Variants in BTBD9 observed in about 807,000 individuals in gnomAD.
The protein encoded by BTBD9 is BTB domain containing 9, also known as BTB/POZ domain-containing protein 9.
Under a neutral mutation model 64.3 loss-of-function variants are expected in BTBD9, and 49 were observed. The ratio of observed to expected loss-of-function variants is 0.76; its 90% CI spans 0.61 to 0.97. BTBD9 has a LOEUF of 0.97. BTBD9 is among the 50% of genes least tolerant of loss of function. The pLI is 0.00. For missense variants in BTBD9, 598 were observed against 762.1 expected (o/e 0.78, Z 2.53); for synonymous variants, 260 against 274.7 (o/e 0.95, Z 0.53).
In BTBD9 at chr6:38,292,916, G is replaced by A. The variant is rs144050416; in HGVS notation, c.1265-4455C>T. On this transcript the variant is annotated intron_variant, in intron 7 of 10. Coordinates refer to ENST00000481247, the MANE Select transcript of BTBD9 (RefSeq NM_001099272.2). Reference sequence around the variant, plus strand: ...GTTCTTTTAATTGTGATGTTAGGGTGTCGATTTTAGGCCTTTCCTGCTTTC... The same window carrying A: ...GTTCTTTTAATTGTGATGTTAGGGTATCGATTTTAGGCCTTTCCTGCTTTC... Among the ~76,000 whole-genome samples the A allele has an allele frequency of 5.1e-3, 778 of 152,266 alleles. 13 individuals are homozygous for A. The highest frequency in any genetic ancestry group is 5.6e-3 in the Non-Finnish European group (381 of 68,026).
At chr6:38,543,912 G>A (rs374812179) in intron 6 of BTBD9, among the ~76,000 whole-genome samples, 52 of 150,514 alleles carry the variant, frequency 3.5e-4, no homozygotes, top group Middle Eastern at 3.5e-3. Flanking sequence ...AGCCGAGATC[G>A]CGCCACTGCA....
At chr6:38,510,064 T>G (rs188748725) in intron 6 of BTBD9, among the ~76,000 whole-genome samples, 232 of 152,364 alleles carry the variant, frequency 1.5e-3, no homozygotes, top group African/African-American at 5.4e-3. Context: ...CTCCACAGTC[T>G]AGCCACATTC....
chr6:38,473,419 A>G (rs1770733996), intron 6 of BTBD9, among the ~76,000 whole-genome samples: 1 of 152,204 alleles, frequency 6.6e-6, no homozygotes, highest in African/African-American at 2.4e-5. Flanking sequence ...TAAATTCCAC[A>G]TGCCTAAAAT....
At chr6:38,471,555 T>C (rs1770653737) in intron 6 of BTBD9, among the ~76,000 whole-genome samples, 1 of 152,166 alleles carries the variant, frequency 6.6e-6, no homozygotes, top group Non-Finnish European at 1.5e-5. Flanking sequence ...TTCGTTGTTG[T>C]TGTTGTTTTA....
chr6:38,636,009 A>T (rs1778515690), intron 1 of BTBD9, among the ~76,000 whole-genome samples: 1 of 152,098 alleles, frequency 6.6e-6, no homozygotes, highest in Non-Finnish European at 1.5e-5. Context: ...CTACATCTAT[A>T]ACTACTACTA....
intron 7 of BTBD9, among the ~76,000 whole-genome samples, chr6:38,343,930 T>G (rs529673429): frequency 6.6e-6 from 1 of 152,322 alleles, no homozygotes; most frequent in East Asian, 1.9e-4. Flanking sequence ...CAAGTTACAC[T>G]CATCTTTCCC....
intron 6 of BTBD9, among the ~76,000 whole-genome samples, chr6:38,385,531 A>G (rs1330786340): frequency 2.0e-5 from 3 of 152,076 alleles, no homozygotes; most frequent in Non-Finnish European, 2.9e-5. Flanking sequence ...AGTCAGCTGA[A>G]GTCTGAATGT....
intron 6 of BTBD9, among the ~76,000 whole-genome samples, chr6:38,421,332 G>C (rs1297555843): frequency 1.3e-5 from 2 of 152,084 alleles, no homozygotes; most frequent in African/African-American, 4.8e-5. Context: ...CTCCAGCCTG[G>C]GAGACAGAGC....
At chr6:38,504,379 C>T (rs762576780) in intron 6 of BTBD9, 2 of 334,500 alleles carry the variant, frequency 6.0e-6, no homozygotes, top group Non-Finnish European at 1.2e-5. Flanking sequence ...CTACAAACTT[C>T]CTCATGTTAC....
intron 4 of BTBD9, among the ~76,000 whole-genome samples, chr6:38,591,641 A>G (rs989886621): frequency 2.6e-5 from 4 of 152,226 alleles, no homozygotes; most frequent in African/African-American, 9.6e-5. Context: ...TGGGCAAGTT[A>G]CTTAACTTCT....
chr6:38,337,687 A>G (rs1177524491), intron 7 of BTBD9, among the ~76,000 whole-genome samples: 1 of 152,220 alleles, frequency 6.6e-6, no homozygotes, highest in Non-Finnish European at 1.5e-5. Context: ...ACTTTGAATC[A>G]GATGGTAAGT....
chr6:38,276,778 AT>A (rs1241433083), intron 8 of BTBD9, among the ~76,000 whole-genome samples: 1 of 152,176 alleles, frequency 6.6e-6, no homozygotes, highest in Non-Finnish European at 1.5e-5. Flanking sequence ...TTTAAAAAAA[AT>A]CTATCACTTC....
rs1763258694 is a variant in BTBD9, at chr6:38,222,813, T to C, written c.1563-30216A>G. Among the ~76,000 whole-genome samples, 3 of 152,258 alleles carry C rather than the reference T, an allele frequency of 2.0e-5. No individual in the cohort carries two copies. The South Asian group carries it at 6.2e-4, about 31-fold the overall frequency. ...AACATATTTAGAGCTAAACATGTTA[T>C]ACACACGAAAGGAGGTTTGTAGCCT... On this transcript the variant is annotated intron_variant, in intron 9 of 10. Coordinates refer to ENST00000481247, the MANE Select transcript of BTBD9 (RefSeq NM_001099272.2).
intron 6 of BTBD9, among the ~76,000 whole-genome samples, chr6:38,461,216 A>T (rs1582466791): frequency 6.6e-6 from 1 of 152,212 alleles, no homozygotes; most frequent in East Asian, 1.9e-4. Context: ...TGAGATGAAC[A>T]ATTTGTTAAT....
At position 38,287,109 on chromosome 6, in the gene BTBD9, TACACACACACACACACACAC is replaced by T. The variant is rs70981534; in HGVS notation, c.1454+1143_1454+1162del. ...AAAAAAAAAAAAAAAAAAAAAAATATACACACACACACACACACACACACACACACACACATATAGCAGCC... is the reference window on the plus strand; with the variant it reads ...AAAAAAAAAAAAAAAAAAAAAAATATACACACACACACACATATAGCAGCC... On this transcript the variant is annotated intron_variant, in intron 8 of 10. Transcript: ENST00000481247. Among the ~76,000 whole-genome samples, 10 of 87,016 alleles carry T rather than the reference TACACACACACACACACACAC, an allele frequency of 1.1e-4. No individual in the cohort carries two copies. In the Admixed American group the frequency reaches 1.6e-3, roughly 14 times the overall value. 57.1% of individuals were successfully genotyped at this position (87,016 alleles called of 152,430 possible). A position where few individuals can be genotyped will look rare whatever the true frequency, so the allele number is the denominator to read the frequency against.
At chr6:38,525,878 A>C (rs762730949) in intron 6 of BTBD9, among the ~76,000 whole-genome samples, 1 of 152,208 alleles carries the variant, frequency 6.6e-6, no homozygotes, top group Non-Finnish European at 1.5e-5. Context: ...AGATTATCTG[A>C]AACTGGAACT....
At chr6:38,573,012 T>C (rs1775848986) in intron 6 of BTBD9, among the ~76,000 whole-genome samples, 1 of 152,066 alleles carries the variant, frequency 6.6e-6, no homozygotes, top group South Asian at 2.1e-4. Context: ...TATATATATA[T>C]GTATTGATAC....
At chr6:38,216,022 C>T (rs1025451338) in intron 9 of BTBD9, among the ~76,000 whole-genome samples, 4 of 152,098 alleles carry the variant, frequency 2.6e-5, no homozygotes, top group African/African-American at 9.7e-5. Context: ...GAGGACATCT[C>T]TATTTTCACC....
chr6:38,474,803 A>G lies in BTBD9; in HGVS notation c.1154+102797T>C, dbSNP rs76323919. Among the ~76,000 whole-genome samples the G allele has an allele frequency of 6.6e-5, 10 of 152,164 alleles. No individual in the cohort carries two copies. The South Asian group carries it at 1.9e-3, about 28-fold the overall frequency. On this transcript the variant is annotated intron_variant, in intron 6 of 10. Coordinates refer to ENST00000481247, the MANE Select transcript of BTBD9 (RefSeq NM_001099272.2). Reference sequence around the variant, plus strand: ...CCAAATTTTTAGTCCACATCATGATAAAAAAAATTAGATGATCTCTAATGC... The same window carrying G: ...CCAAATTTTTAGTCCACATCATGATGAAAAAAATTAGATGATCTCTAATGC...
Sources: allele counts gnomAD v4.1 joint callset (sites outside exome capture counted in the v4.1 genomes callset), GRCh38; gene constraint gnomAD v4.1.1; transcripts MANE v1.5; gene names NCBI Gene and HGNC (gene_info 2026-07-23, HGNC 2026-07-21).